PCDH9: variants seen among roughly 807,000 people sequenced by gnomAD.
The protein encoded by PCDH9 is protocadherin 9.
PCDH9 carries 24 observed loss-of-function variants against 70.6 expected under a neutral mutation model. That is an observed-to-expected ratio of 0.34 (90% confidence interval 0.25 to 0.48). The LOEUF is 0.48. Among genes scored for constraint, PCDH9 ranks in the 20% least tolerant of loss-of-function variants. The pLI is 0.99. For synonymous variants in PCDH9, 562 were observed against 558.5 expected (o/e 1.01, Z -0.09); for missense variants, 1,281 against 1,503.6 (o/e 0.85, Z 2.45).
At chr13:66,385,993 T>C (rs1296429377) in intron 4 of PCDH9, among the ~76,000 whole-genome samples, 1 of 145,120 alleles carries the variant, frequency 6.9e-6, no homozygotes, top group East Asian at 2.1e-4. Context: ...GAAACGTATC[T>C]GATAAAAAAA....
chr13:67,098,365 TA>T (rs2086364951), intron 2 of PCDH9, among the ~76,000 whole-genome samples: 1 of 152,150 alleles, frequency 6.6e-6, no homozygotes, highest in African/African-American at 2.4e-5. Context: ...AAATAATTCT[TA>T]AAAATGAATA....
chr13:67,165,027 T>C (rs577906792), intron 2 of PCDH9, among the ~76,000 whole-genome samples: 117 of 152,250 alleles, frequency 7.7e-4, no homozygotes, highest in Admixed American at 3.9e-3. Context: ...ATCCCCAGCA[T>C]CTGAAACAGG....
intron 4 of PCDH9, among the ~76,000 whole-genome samples, chr13:66,339,268 CTTAA>C (rs1277853622): frequency 2.0e-5 from 3 of 151,942 alleles, no homozygotes; most frequent in African/African-American, 7.2e-5. Context: ...ATTTTTTAAA[CTTAA>C]TTATCAGTAT....
chr13:66,609,945 C>T (rs2077270461), intron 4 of PCDH9, among the ~76,000 whole-genome samples: 1 of 147,824 alleles, frequency 6.8e-6, no homozygotes, highest in Non-Finnish European at 1.5e-5. Flanking sequence ...GGAGAAATAG[C>T]ATTTCCTTCT....
intron 4 of PCDH9, among the ~76,000 whole-genome samples, chr13:66,555,271 A>G (rs1457454274): frequency 5.3e-5 from 8 of 152,144 alleles, no homozygotes; most frequent in Admixed American, 1.3e-4. Context: ...AGAAACCAAT[A>G]GTACTTTCTT....
rs67211029 is a variant in PCDH9, at chr13:66,824,651, GATATATATATATATATATAT to G, written c.3138+78833_3138+78852del. ...ACCTGGGCAACAAGAGCGAAACTCT[GATATATATATATATATATAT>G]ATATATATATATATATATATATATA... On this transcript the variant is annotated intron_variant, in intron 3 of 4. Coordinates refer to ENST00000377865, the MANE Select transcript of PCDH9 (RefSeq NM_203487.3). Among the ~76,000 whole-genome samples, 161 of 99,074 alleles carry G rather than the reference GATATATATATATATATATAT, an allele frequency of 1.6e-3. 3 individuals are homozygous for G. Among genetic ancestry groups the G allele is most frequent in the African/African-American group, 6.6e-3 (138 of 21,010 alleles). 65.0% of individuals were successfully genotyped at this position (99,074 alleles called of 152,430 possible). A position where few individuals can be genotyped will look rare whatever the true frequency, so the allele number is the denominator to read the frequency against.
chr13:66,808,059 A>C (rs1294861571), intron 3 of PCDH9, among the ~76,000 whole-genome samples: 2 of 152,196 alleles, frequency 1.3e-5, no homozygotes, highest in Non-Finnish European at 2.9e-5. Context: ...GTTTGGAGGT[A>C]GTTTCCCCTT....
intron 3 of PCDH9, among the ~76,000 whole-genome samples, chr13:66,741,707 CAGAG>C (rs1411200126): frequency 1.8e-4 from 6 of 33,524 alleles, no homozygotes; most frequent in African/African-American, 4.8e-4. Context: ...AACAGACAAA[CAGAG>C]AGCCAAATCA....
intron 3 of PCDH9, among the ~76,000 whole-genome samples, chr13:66,670,630 A>G (rs1367797145): frequency 6.6e-6 from 1 of 152,128 alleles, no homozygotes; most frequent in Non-Finnish European, 1.5e-5. Context: ...AAGTGTAAGG[A>G]AAGATGAAAA....
intron 3 of PCDH9, among the ~76,000 whole-genome samples, chr13:66,740,994 G>C (rs1229020696): frequency 4.4e-5 from 3 of 67,690 alleles, no homozygotes. Flanking sequence ...CATTTTATGA[G>C]GCCAGCATCA....
intron 4 of PCDH9, among the ~76,000 whole-genome samples, chr13:66,308,041 T>C (rs753470882): frequency 3.3e-5 from 5 of 152,098 alleles, no homozygotes; most frequent in Non-Finnish European, 7.4e-5. Context: ...ACTATCCTCA[T>C]GAAGCTGGGA....
chr13:66,968,153 C>T (rs2083460602), intron 2 of PCDH9, among the ~76,000 whole-genome samples: 1 of 151,870 alleles, frequency 6.6e-6, no homozygotes, highest in African/African-American at 2.4e-5. Context: ...TATTTTTTTC[C>T]ATGTAAAAGC....
intron 2 of PCDH9, among the ~76,000 whole-genome samples, chr13:66,986,221 C>T (rs546689064): frequency 8.7e-4 from 132 of 152,094 alleles, no homozygotes; most frequent in African/African-American, 3.0e-3. Context: ...TGAGATTTCA[C>T]TCACTATCAC....
chr13:66,795,327 A>G (rs1315727406), intron 3 of PCDH9, among the ~76,000 whole-genome samples: 1 of 152,174 alleles, frequency 6.6e-6, no homozygotes, highest in Non-Finnish European at 1.5e-5. Context: ...AGCATTTCAG[A>G]TTTCCAGTTT....
At chr13:67,177,078 C>T (rs1314348482) in intron 2 of PCDH9, among the ~76,000 whole-genome samples, 1 of 152,028 alleles carries the variant, frequency 6.6e-6, no homozygotes, top group Non-Finnish European at 1.5e-5. Context: ...AACACTGGGT[C>T]CAGCCCATGG....
intron 2 of PCDH9, chr13:67,218,612 TAAAATAC>T (rs1218365964): frequency 6.6e-6 from 1 of 152,052 alleles, no homozygotes; most frequent in Non-Finnish European, 1.5e-5. Flanking sequence ...AGAAGAATGT[TAAAATAC>T]AAGATATTAC....
chr13:66,879,757 C>T (rs1220797332), intron 3 of PCDH9, among the ~76,000 whole-genome samples: 4 of 151,858 alleles, frequency 2.6e-5, no homozygotes, highest in South Asian at 2.1e-4. Context: ...ATCTCAAAAA[C>T]GCATTTGTAA....
chr13:67,171,359 C>A (rs1055899511), intron 2 of PCDH9, among the ~76,000 whole-genome samples: 2 of 152,118 alleles, frequency 1.3e-5, no homozygotes, highest in African/African-American at 4.8e-5. Context: ...GGAGGTCTAA[C>A]CTCATTAACA....
At chr13:66,577,787 T>C (rs9317596) in intron 4 of PCDH9, among the ~76,000 whole-genome samples, 74,783 of 151,790 alleles carry the variant, frequency 0.49, 19,478 homozygotes, top group East Asian at 0.65. Flanking sequence ...TTTTAGCACT[T>C]TGACTGAGGA....
Sources: allele counts gnomAD v4.1 joint callset (sites outside exome capture counted in the v4.1 genomes callset), GRCh38; gene constraint gnomAD v4.1.1; transcripts MANE v1.5; gene names NCBI Gene and HGNC (gene_info 2026-07-23, HGNC 2026-07-21).